The following SLC67A1 variants were observed in gnomAD, a reference collection of about 807,000 sequenced individuals.
The protein encoded by SLC67A1 is solute carrier family 67 member A1.
chr11:2,907,266 A>C, the SLC67A1 span, among the ~76,000 whole-genome samples: 6 of 152,172 alleles, frequency 3.9e-5, no homozygotes, highest in Non-Finnish European at 7.4e-5. This position sits in a 1 kb window ranked among gnomAD's most constrained non-coding sequence, Gnocchi z 6.7. Context: ...CAAAGTATCC[A>C]AAACCCTGGG....
the SLC67A1 span, chr11:2,903,400 G>A: frequency 2.6e-5 from 42 of 1,612,938 alleles, no homozygotes; most frequent in South Asian, 2.0e-4. Context: ...CAGGATGAGC[G>A]CTCTAGGCCG....
the SLC67A1 span, chr11:2,925,138 C>T: frequency 6.2e-7 from 1 of 1,613,900 alleles, no homozygotes; most frequent in Non-Finnish European, 8.5e-7. This position sits in a 1 kb window ranked among gnomAD's most constrained non-coding sequence, Gnocchi z 6.5. Context: ...TATCAATACC[C>T]TTGTCCTCCT....
the SLC67A1 span, chr11:2,925,237 A>C: frequency 7.7e-6 from 12 of 1,568,314 alleles, no homozygotes; most frequent in Non-Finnish European, 1.0e-5. This position sits in a 1 kb window ranked among gnomAD's most constrained non-coding sequence, Gnocchi z 6.5. Context: ...CTCCTACTAA[A>C]TCCCTCCGAC....
chr11:2,918,082 C>T, the SLC67A1 span: 15 of 1,613,174 alleles, frequency 9.3e-6, no homozygotes, highest in Non-Finnish European at 1.3e-5. Flanking sequence ...AGGTGGCCTC[C>T]AACTGCCCCA....
chr11:2,909,894 G>A, the SLC67A1 span: 1 of 613,582 alleles, frequency 1.6e-6, no homozygotes, highest in Non-Finnish European at 2.6e-6. Context: ...GGGCTGGCTG[G>A]CCCTGGATAG....
the SLC67A1 span, chr11:2,924,945 T>C: frequency 6.8e-7 from 1 of 1,466,052 alleles, no homozygotes; most frequent in Non-Finnish European, 9.3e-7. This position sits in a 1 kb window ranked among gnomAD's most constrained non-coding sequence, Gnocchi z 8.6. Flanking sequence ...CATGGCTGTG[T>C]TCAGGAAGTG....
chr11:2,902,507 A>C, the SLC67A1 span: 4 of 867,476 alleles, frequency 4.6e-6, no homozygotes, highest in Non-Finnish European at 5.5e-6. Flanking sequence ...GCATCCCGGG[A>C]TGGGGGAGGG....
At chr11:2,917,603 G>A in the SLC67A1 span, among the ~76,000 whole-genome samples, 1 of 152,248 alleles carries the variant, frequency 6.6e-6, no homozygotes, top group Admixed American at 6.5e-5. Flanking sequence ...TGGTGGCCTG[G>A]TCATGCTCTG....
chr11:2,910,967 C>T, the SLC67A1 span, among the ~76,000 whole-genome samples: 7 of 152,232 alleles, frequency 4.6e-5, no homozygotes, highest in South Asian at 1.2e-3. Context: ...GAGCCCTGCG[C>T]CCCCCAGCAC....
At chr11:2,909,708 C>G in the SLC67A1 span, 2 of 1,527,154 alleles carry the variant, frequency 1.3e-6, no homozygotes, top group Non-Finnish European at 1.8e-6. Context: ...TCTCCGCGTA[C>G]GGGTGAGTGG....
At chr11:2,908,152 C>T in the SLC67A1 span, 5 of 949,622 alleles carry the variant, frequency 5.3e-6, no homozygotes, top group Non-Finnish European at 8.6e-6. Flanking sequence ...CCCCTCCCAC[C>T]CCCTGCCCAT....
chr11:2,922,138 C>T, the SLC67A1 span: 1 of 1,613,666 alleles, frequency 6.2e-7, no homozygotes, highest in Admixed American at 1.7e-5. Context: ...GCTGAGCAGC[C>T]ACTTCTCGGA....
chr11:2,899,991 G>A, the SLC67A1 span, among the ~76,000 whole-genome samples: 2 of 152,166 alleles, frequency 1.3e-5, no homozygotes, highest in Non-Finnish European at 2.9e-5. Context: ...GCCCCATTGA[G>A]TAAGGGTTCA....
the SLC67A1 span, among the ~76,000 whole-genome samples, chr11:2,907,424 ACTCT>A: frequency 2.6e-5 from 4 of 151,678 alleles, no homozygotes; most frequent in Non-Finnish European, 1.5e-5. This position sits in a 1 kb window ranked among gnomAD's most constrained non-coding sequence, Gnocchi z 6.7. Context: ...TGGCCACATC[ACTCT>A]GTCTTCCCAT....
the SLC67A1 span, chr11:2,903,452 A>C: frequency 6.2e-7 from 1 of 1,613,148 alleles, no homozygotes; most frequent in Non-Finnish European, 8.5e-7. Context: ...GCCGCCACAG[A>C]ACTTACCTGC....
At chr11:2,918,192 C>T in the SLC67A1 span, 1 of 888,884 alleles carries the variant, frequency 1.1e-6, no homozygotes, top group Non-Finnish European at 1.8e-6. Context: ...CCCCACAGGT[C>T]CACACAGATG....
chr11:2,910,769 G>C, the SLC67A1 span, among the ~76,000 whole-genome samples: 1 of 152,174 alleles, frequency 6.6e-6, no homozygotes, highest in Admixed American at 6.5e-5. Context: ...AGATGGCAGT[G>C]CCAAGGCCGT....
chr11:2,916,665 G>T, the SLC67A1 span: 214 of 1,612,800 alleles, frequency 1.3e-4, no homozygotes, highest in Non-Finnish European at 1.8e-4. Flanking sequence ...CACCCTCCTG[G>T]GAGCTGTCCT....
chr11:2,922,561 G>T, the SLC67A1 span: 3 of 1,611,386 alleles, frequency 1.9e-6, no homozygotes, highest in South Asian at 2.2e-5. Context: ...ACACAGGTGA[G>T]TGTGGCCAGC....
Sources: allele counts gnomAD v4.1 joint callset (sites outside exome capture counted in the v4.1 genomes callset), GRCh38; gene constraint gnomAD v4.1.1; non-coding constraint Gnocchi (gnomAD v3.1); transcripts MANE v1.5; gene names NCBI Gene and HGNC (gene_info 2026-07-23, HGNC 2026-07-21).